CLPX: variants seen among roughly 807,000 people sequenced by gnomAD.
CLPX encodes caseinolytic mitochondrial matrix peptidase chaperone subunit X.
Under a neutral mutation model 76.4 loss-of-function variants are expected in CLPX, and 34 were observed. That is an observed-to-expected ratio of 0.45 (90% confidence interval 0.34 to 0.59). CLPX has a LOEUF of 0.59. Among genes scored for constraint, CLPX ranks in the 20% least tolerant of loss-of-function variants. The pLI is 0.01. For synonymous variants in CLPX, 248 were observed against 270.9 expected (o/e 0.92, Z 0.83); for missense variants, 613 against 757.0 (o/e 0.81, Z 2.23).
At chr15:65,167,625 C>T (rs2087933807) in intron 3 of CLPX, among the ~76,000 whole-genome samples, 1 of 151,680 alleles carries the variant, frequency 6.6e-6, no homozygotes, top group African/African-American at 2.4e-5. Flanking sequence ...CCTGTAATCC[C>T]AGCACTTTGG....
At chr15:65,156,438 T>A (rs1200959684) in intron 9 of CLPX, among the ~76,000 whole-genome samples, 1 of 152,224 alleles carries the variant, frequency 6.6e-6, no homozygotes, top group Admixed American at 6.5e-5. Context: ...GTGACTTCAA[T>A]TATGGCTCTG....
rs1362615759 is a variant in CLPX, at chr15:65,149,270, G to A, written c.*1553C>T. ...AAGGTGGCCGATTGCCTGAGCTCAG[G>A]AGAGACCAGCCTGGGCAACATGGCG... On this transcript the variant is annotated 3_prime_UTR_variant, in exon 14 of 14. Coordinates refer to ENST00000300107, the MANE Select transcript of CLPX (RefSeq NM_006660.5). 1.2e-5 allele frequency: 2 copies of A among 173,366 alleles called. No individual in the cohort carries two copies. The highest frequency in any genetic ancestry group is 2.5e-5 in the Non-Finnish European group (2 of 80,834). 10.7% of individuals were successfully genotyped at this position (173,366 alleles called of 1,614,324 possible). A position where few individuals can be genotyped will look rare whatever the true frequency, so the allele number is the denominator to read the frequency against.
At chr15:65,180,452 C>A (rs2088150776) in intron 1 of CLPX, among the ~76,000 whole-genome samples, 1 of 152,118 alleles carries the variant, frequency 6.6e-6, no homozygotes, top group Non-Finnish European at 1.5e-5. Context: ...GGAAATAAGG[C>A]AAGATCACCC....
intron 3 of CLPX, among the ~76,000 whole-genome samples, chr15:65,172,093 A>T (rs528178450): frequency 6.6e-6 from 1 of 152,236 alleles, no homozygotes; most frequent in African/African-American, 2.4e-5. Flanking sequence ...CCTCCCGAGT[A>T]GCTGGGATTA....
At chr15:65,170,108 T>G (rs1173281227) in intron 3 of CLPX, among the ~76,000 whole-genome samples, 1 of 152,054 alleles carries the variant, frequency 6.6e-6, no homozygotes, top group Non-Finnish European at 1.5e-5. Flanking sequence ...CAGGCTAGCC[T>G]CAAATTTCTG....
At chr15:65,179,933 T>A (rs1216054162) in intron 2 of CLPX, 111 bp downstream of exon 2, 1 of 630,506 alleles carries the variant, frequency 1.6e-6, no homozygotes, top group Non-Finnish European at 2.5e-6. Flanking sequence ...ATTTTAGCTA[T>A]CTCATATTTC....
Position 65,149,472 on chromosome 15 carries a change from C to A in CLPX, c.*1351G>T. The A allele has an allele frequency of 5.8e-6, 2 of 345,204 alleles. No homozygotes were observed. Among genetic ancestry groups the A allele is most frequent in the East Asian group, 9.4e-5 (1 of 10,628 alleles). 21.4% of individuals were successfully genotyped at this position (345,204 alleles called of 1,614,324 possible). A position where few individuals can be genotyped will look rare whatever the true frequency, so the allele number is the denominator to read the frequency against. ...CCTGGGTGACACAGCGAGACTCTGTCTCAAAAAAATAAAATAAAATAGATA... is the reference window on the plus strand; with the variant it reads ...CCTGGGTGACACAGCGAGACTCTGTATCAAAAAAATAAAATAAAATAGATA... On this transcript the variant is annotated 3_prime_UTR_variant, in exon 14 of 14. Coordinates refer to ENST00000300107, the MANE Select transcript of CLPX (RefSeq NM_006660.5).
At position 65,158,560 on chromosome 15, in the gene CLPX, C is replaced by G; in HGVS notation, c.892+15G>C. 6.3e-7 allele frequency: 1 copy of G among 1,591,916 alleles called. No individual in the cohort carries two copies. The highest frequency in any genetic ancestry group is 8.6e-7 in the Non-Finnish European group (1 of 1,168,916). The stretch of plus-strand genomic sequence containing the variant: ...TTTTAAAATGAGTAGTAAATTTTCT[C>G]AGCAAGTTATTTACCTGACCCAGTT... On this transcript the variant is annotated intron_variant, in intron 7 of 13. Transcript: ENST00000300107.
intron 3 of CLPX, among the ~76,000 whole-genome samples, chr15:65,171,396 G>A (rs1206712136): frequency 1.3e-5 from 2 of 151,854 alleles, no homozygotes; most frequent in African/African-American, 2.4e-5. Flanking sequence ...GTAGTGAGCT[G>A]GGATCACACC....
rs374673884 is a variant in CLPX at position 65,185,163 on chromosome 15, G to A, written c.-10C>T. On this transcript the variant is annotated 5_prime_UTR_variant, in exon 1 of 14. Coordinates refer to ENST00000300107, the MANE Select transcript of CLPX (RefSeq NM_006660.5). ...CACCGCAGCTGGGCATCTCCGCGAG[G>A]CCTAGGCCGGGGCTTCGCCCCCTGA... 7 of 1,558,032 alleles carry A rather than the reference G, an allele frequency of 4.5e-6. No homozygotes were observed. In the African/African-American group the frequency reaches 5.4e-5, roughly 12 times the overall value.
intron 3 of CLPX, among the ~76,000 whole-genome samples, chr15:65,168,393 A>C (rs1344671094): frequency 6.8e-6 from 1 of 148,134 alleles, no homozygotes; most frequent in African/African-American, 2.5e-5. Context: ...CAAAAAAAAA[A>C]AAAAAAAAAA....
At chr15:65,170,400 C>G (rs940370138) in intron 3 of CLPX, among the ~76,000 whole-genome samples, 1 of 151,946 alleles carries the variant, frequency 6.6e-6, no homozygotes, top group Admixed American at 6.6e-5. Context: ...ATAGGGAACA[C>G]TGCACTAGCA....
In CLPX at chr15:65,180,040, T is replaced by C. The variant is rs779535847; in HGVS notation, c.240+4A>G. 6.3e-7 allele frequency: 1 copy of C among 1,592,806 alleles called. No individual in the cohort carries two copies. Among genetic ancestry groups the C allele is most frequent in the Admixed American group, 1.8e-5 (1 of 56,826 alleles). ...TACAGATGCCAATAAGATAAAATAATTACCTTATTTCCATCTCCAGAACCA... is the reference window on the plus strand; with the variant it reads ...TACAGATGCCAATAAGATAAAATAACTACCTTATTTCCATCTCCAGAACCA... On this transcript the variant is annotated splice_donor_region_variant and intron_variant, in intron 2 of 13. Transcript: ENST00000300107.
At chr15:65,168,720 ATG>A (rs1305103750) in intron 3 of CLPX, among the ~76,000 whole-genome samples, 1 of 151,988 alleles carries the variant, frequency 6.6e-6, no homozygotes, top group Non-Finnish European at 1.5e-5. Context: ...CACGTTGTAC[ATG>A]TGTACCCTAG....
intron 3 of CLPX, among the ~76,000 whole-genome samples, chr15:65,177,795 A>AT (rs895723409): frequency 1.3e-4 from 20 of 152,044 alleles, no homozygotes; most frequent in Admixed American, 3.9e-4. Context: ...AGGATACATG[A>AT]TTTTTTTCCT....
At chr15:65,168,200 A>G (rs933461276) in intron 3 of CLPX, among the ~76,000 whole-genome samples, 24 of 151,162 alleles carry the variant, frequency 1.6e-4, no homozygotes, top group African/African-American at 5.8e-4. Context: ...CCTGGCTAAC[A>G]CGGTAAAACC....
chr15:65,153,050 C>T (rs1487304577), intron 12 of CLPX, among the ~76,000 whole-genome samples: 1 of 151,808 alleles, frequency 6.6e-6, no homozygotes, highest in African/African-American at 2.4e-5. Context: ...GGCCCGATCC[C>T]GATTTTCTGT....
chr15:65,164,678 T>C (rs1483663546), intron 4 of CLPX, among the ~76,000 whole-genome samples: 2 of 152,218 alleles, frequency 1.3e-5, no homozygotes, highest in East Asian at 3.8e-4. Context: ...AGTATCTATG[T>C]GTTTTAGTAA....
Position 65,155,725 on chromosome 15 carries a change from T to C in CLPX, c.1278A>G (p.Leu426=), listed in dbSNP as rs373886925. ...LFVASGAFNG[L]DRIISRRKNE... is the part of the protein sequence containing the mutation. ...TTTTCCTCCTGCTGATGATTCTGTC[T>C]AAACCATTGAAAGCACCAGATGCCA... The change falls in exon 10 of 14, where the codon TTA becomes TTG. Residue 426 remains leucine, a synonymous_variant. Transcript: ENST00000300107. 5 of 1,613,976 alleles carry C rather than the reference T, an allele frequency of 3.1e-6. No individual in the cohort carries two copies. The highest frequency in any genetic ancestry group is 4.2e-6 in the Non-Finnish European group (5 of 1,179,996).
Sources: gnomAD v4.1 joint callset for allele counts (sites outside exome capture counted in the v4.1 genomes callset) on GRCh38, gnomAD v4.1.1 for gene constraint, MANE v1.5 for transcripts, NCBI Gene and HGNC (gene_info 2026-07-23, HGNC 2026-07-21) for gene names.